PBX1: variants seen among roughly 807,000 people sequenced by gnomAD.
PBX1 encodes pre-B-cell leukemia transcription factor 1.
Under a neutral mutation model 53.4 loss-of-function variants are expected in PBX1, and 6 were observed. That is an observed-to-expected ratio of 0.11 (90% CI 0.06 to 0.22). The LOEUF (loss-of-function observed/expected upper bound fraction) is 0.22, where lower values mean the gene tolerates loss of function less well. Among genes scored for constraint, PBX1 ranks in the 10% least tolerant of loss-of-function variants. The pLI is 1.00. For missense variants in PBX1, 251 were observed against 551.4 expected (o/e 0.46, Z 5.46); for synonymous variants, 204 against 212.3 (o/e 0.96, Z 0.34).
intron 2 of PBX1, among the ~76,000 whole-genome samples, chr1:164,782,018 AC>A (rs1300499949): frequency 2.6e-5 from 4 of 152,372 alleles, no homozygotes; most frequent in African/African-American, 9.6e-5. Flanking sequence ...TCTAAAGCAA[AC>A]AAAACAAAAC....
At chr1:164,671,698 G>T (rs976951715) in intron 2 of PBX1, among the ~76,000 whole-genome samples, 3 of 152,102 alleles carry the variant, frequency 2.0e-5, no homozygotes, top group African/African-American at 7.2e-5. Flanking sequence ...GGGGGGCAGG[G>T]AGTGGTAAGT....
At chr1:164,663,046 C>A (rs1482321635) in intron 2 of PBX1, among the ~76,000 whole-genome samples, 1 of 152,096 alleles carries the variant, frequency 6.6e-6, no homozygotes, top group African/African-American at 2.4e-5. Context: ...TATGTCTTGC[C>A]CAGCTGTGTA....
chr1:164,751,300 G>A (rs1666200532), intron 2 of PBX1, among the ~76,000 whole-genome samples: 1 of 142,592 alleles, frequency 7.0e-6, no homozygotes, highest in African/African-American at 2.7e-5. Context: ...GGGTGACAGA[G>A]TGAGACTCTG....
At chr1:164,691,724 A>C (rs952930391) in intron 2 of PBX1, among the ~76,000 whole-genome samples, 2 of 152,116 alleles carry the variant, frequency 1.3e-5, no homozygotes. Context: ...ATAAAATAAG[A>C]CTTCTTGCCT....
chr1:164,621,883 T>G (rs1031919533), intron 2 of PBX1, among the ~76,000 whole-genome samples: 8 of 152,192 alleles, frequency 5.3e-5, no homozygotes, highest in African/African-American at 1.9e-4. Context: ...AATGAGAAGT[T>G]AGGACCAGAA....
rs1571521020 is a variant in PBX1 at position 164,846,656 on chromosome 1, C to G, written c.1273C>G (p.His425Asp). Residue 425 changes from histidine (H) to aspartate (D), a missense_variant, in exon 9 of 9, where the codon CAC (histidine) becomes GAC (aspartate). This residue lies in a region of PBX1 where 92 missense variants were observed against 130.4 expected (regional missense o/e 0.71). Transcript: ENST00000420696. ...TSPTEGPGSVHSDTSN is the reference protein window; with the variant it reads ...TSPTEGPGSVDSDTSN ...CCCTACAGAAGGCCCTGGCAGTGTT[C>G]ACTCTGATACCTCCAACTGATCTCC... is the stretch of plus-strand genomic sequence containing the variant. The G allele has an allele frequency of 6.2e-7, 1 of 1,613,982 alleles. No homozygotes were observed. Among genetic ancestry groups the G allele is most frequent in the African/African-American group, 1.3e-5 (1 of 74,932 alleles).
At chr1:164,748,697 A>G (rs1161654414) in intron 2 of PBX1, among the ~76,000 whole-genome samples, 1 of 152,226 alleles carries the variant, frequency 6.6e-6, no homozygotes, top group African/African-American at 2.4e-5. Context: ...ATCTCTGATG[A>G]GAATGAGAAT....
At chr1:164,582,146 T>C (rs969147897) in intron 2 of PBX1, among the ~76,000 whole-genome samples, 3 of 152,238 alleles carry the variant, frequency 2.0e-5, no homozygotes, top group African/African-American at 7.2e-5. Flanking sequence ...ATGGTATCCA[T>C]AAGATCCTTT....
intron 8 of PBX1, among the ~76,000 whole-genome samples, chr1:164,835,776 G>C (rs1671008366): frequency 6.6e-6 from 1 of 152,150 alleles, no homozygotes; most frequent in Non-Finnish European, 1.5e-5. Context: ...CTATTTCTGT[G>C]TAAAGTTCTT....
chr1:164,703,667 C>T (rs1257571122), intron 2 of PBX1, among the ~76,000 whole-genome samples: 4 of 152,292 alleles, frequency 2.6e-5, no homozygotes, highest in South Asian at 2.1e-4. Flanking sequence ...CCGTCACTGG[C>T]TGTTAATCAG....
chr1:164,868,200 C>G (rs2102450171), intron 2 of PBX1, among the ~76,000 whole-genome samples: 1 of 152,286 alleles, frequency 6.6e-6, no homozygotes. Flanking sequence ...GAGCCACAGC[C>G]AGAGGTGACT....
intron 2 of PBX1, chr1:164,639,753 C>T (rs1190511054): frequency 6.6e-6 from 1 of 152,186 alleles, no homozygotes; most frequent in East Asian, 1.9e-4. Context: ...GCCTTGACTT[C>T]CTGGGCTTAA....
chr1:164,862,351 A>T (rs1672120241), intron 2 of PBX1, among the ~76,000 whole-genome samples: 1 of 152,174 alleles, frequency 6.6e-6, no homozygotes, highest in Non-Finnish European at 1.5e-5. Context: ...AGTTCCCACC[A>T]AGGATTATTG....
rs1553255712 is a variant in PBX1, at chr1:164,870,356, T to TCTTTCTTTCTTTCTTTCTTTCTTC, written n.258-28827_258-28826insTTTCTTTCTTTCTTTCTTCCTTTC. On this transcript the variant is annotated intron_variant and non_coding_transcript_variant, in intron 2 of 2. Coordinates refer to the PBX1 transcript ENST00000558796. The stretch of plus-strand genomic sequence containing the variant: ...TTCTTTCTTTCTTTCTTTCTTTCTT[T>TCTTTCTTTCTTTCTTTCTTTCTTC]CTTTCGAGATGAAGTCTTGCTCTGT... Among the ~76,000 whole-genome samples the TCTTTCTTTCTTTCTTTCTTTCTTC allele has an allele frequency of 6.2e-5, 5 of 80,252 alleles. 2 individuals carry two copies. Among genetic ancestry groups the TCTTTCTTTCTTTCTTTCTTTCTTC allele is most frequent in the South Asian group, 4.5e-4 (1 of 2,212 alleles). The allele number at this position is 80,252 out of a possible 152,430, so 52.6% of individuals were successfully genotyped here. A position where few individuals can be genotyped will look rare whatever the true frequency, so the allele number is the denominator to read the frequency against.
rs1049316364 is a variant in PBX1, at chr1:164,847,407, A to G, written c.*731A>G. The G allele has an allele frequency of 8.5e-6, 9 of 1,064,372 alleles. No individual in the cohort carries two copies. The highest frequency in any genetic ancestry group is 1.0e-5 in the Non-Finnish European group (9 of 878,672). The allele number at this position is 1,064,372 out of a possible 1,614,324, so 65.9% of individuals were successfully genotyped here. ...AGGCAGCAGGGAAGGACACGGGAACAGCAGGTGGAGAATTCCTACAGTCTT... is the reference window on the plus strand; with the variant it reads ...AGGCAGCAGGGAAGGACACGGGAACGGCAGGTGGAGAATTCCTACAGTCTT... On this transcript the variant is annotated 3_prime_UTR_variant, in exon 9 of 9. Transcript: ENST00000420696.
At chr1:164,791,822 C>G (rs374652033) in intron 2 of PBX1, among the ~76,000 whole-genome samples, 42 of 151,820 alleles carry the variant, frequency 2.8e-4, no homozygotes, top group African/African-American at 8.9e-4. Context: ...ATAGAATTTA[C>G]CTTTTTGGGG....
chr1:164,589,956 C>T (rs2101766357), intron 2 of PBX1, among the ~76,000 whole-genome samples: 1 of 152,284 alleles, frequency 6.6e-6, no homozygotes, highest in African/African-American at 2.4e-5. Flanking sequence ...TGTCTTTCAT[C>T]CCAACATTTT....
chr1:164,653,511 A>G (rs1406799742), intron 2 of PBX1, among the ~76,000 whole-genome samples: 10 of 152,094 alleles, frequency 6.6e-5, no homozygotes, highest in Non-Finnish European at 1.3e-4. Context: ...GGTGCCTTAC[A>G]CATGTAATAC....
intron 2 of PBX1, among the ~76,000 whole-genome samples, chr1:164,765,077 T>G (rs760612622): frequency 6.6e-6 from 1 of 152,198 alleles, no homozygotes; most frequent in African/African-American, 2.4e-5. Flanking sequence ...GCTTAATTGC[T>G]TCTGTCAGCG....
Sources: allele counts gnomAD v4.1 joint callset (sites outside exome capture counted in the v4.1 genomes callset), GRCh38; gene constraint gnomAD v4.1.1; regional missense constraint gnomAD v4.1.1; transcripts MANE v1.5; gene names NCBI Gene and HGNC (gene_info 2026-07-23, HGNC 2026-07-21).